Variants in CMIP observed in about 807,000 individuals in gnomAD.
CMIP encodes C-Maf-inducing protein.
In CMIP, 13 loss-of-function variants were observed where a neutral mutation model predicts 97.3. The ratio of observed to expected loss-of-function variants is 0.13; its 90% CI spans 0.09 to 0.21. CMIP has a LOEUF of 0.21. Among genes scored for constraint, CMIP ranks in the 10% least tolerant of loss-of-function variants. CMIP has a pLI of 1.00. For synonymous variants in CMIP, 538 were observed against 436.3 expected (o/e 1.23, Z -2.91); for missense variants, 847 against 1,024.9 (o/e 0.83, Z 2.37).
intron 1 of CMIP, among the ~76,000 whole-genome samples, chr16:81,509,306 G>A (rs979627548): frequency 1.2e-4 from 19 of 152,190 alleles, no homozygotes; most frequent in African/African-American, 4.3e-4. Flanking sequence ...AGAGCCCACC[G>A]GAATGATGCT....
intron 1 of CMIP, among the ~76,000 whole-genome samples, chr16:81,534,315 C>G (rs761143903): frequency 1.3e-5 from 2 of 152,144 alleles, no homozygotes; most frequent in Admixed American, 6.5e-5. Context: ...GGTTTGTTGA[C>G]TGTTTGCATT....
intron 1 of CMIP, among the ~76,000 whole-genome samples, chr16:81,566,436 C>A (rs559171305): frequency 3.9e-5 from 6 of 152,208 alleles, no homozygotes; most frequent in African/African-American, 9.6e-5. Context: ...ATGGTGCCCA[C>A]CCATGCTACA....
intron 1 of CMIP, among the ~76,000 whole-genome samples, chr16:81,505,900 C>T (rs2089700462): frequency 1.3e-5 from 2 of 152,244 alleles, no homozygotes; most frequent in African/African-American, 2.4e-5. Flanking sequence ...GAGGCTGAGG[C>T]AGGAGAATCA....
At chr16:81,598,252 C>T (rs2091596820) in intron 1 of CMIP, among the ~76,000 whole-genome samples, 1 of 151,902 alleles carries the variant, frequency 6.6e-6, no homozygotes, top group Non-Finnish European at 1.5e-5. Context: ...GTATCGTCTA[C>T]AACAGAGCTG....
rs1356120078 is a variant in CMIP, at chr16:81,678,403, C to T, written c.1163C>T (p.Ser388Phe). The T allele has an allele frequency of 6.2e-7, 1 of 1,605,176 alleles. No homozygotes were observed. Among genetic ancestry groups the T allele is most frequent in the East Asian group, 2.3e-5 (1 of 44,216 alleles). Residue 388 changes from serine to phenylalanine, a missense_variant, in exon 10 of 21, where the codon TCT becomes TTT. Around this residue, in one of 4 missense-constraint regions of CMIP, gnomAD observed 202 missense variants for 168.7 expected, o/e 1.20. Transcript: ENST00000537098. ...CTGGTGTCTCAGGAAGCCACGCTGT[C>T]TGAGGCCCGGCTCAAGTCGGTGGTC... ...PDLVSQEATLSEARLKSVVVA... is the reference protein window; with the variant it reads ...PDLVSQEATLFEARLKSVVVA...
At chr16:81,536,039 C>G (rs1375314155) in intron 1 of CMIP, among the ~76,000 whole-genome samples, 1 of 152,182 alleles carries the variant, frequency 6.6e-6, no homozygotes, top group Non-Finnish European at 1.5e-5. Flanking sequence ...TGATGTGATC[C>G]CTGTTTGCAG....
intron 1 of CMIP, among the ~76,000 whole-genome samples, chr16:81,544,977 T>C (rs1328909134): frequency 6.6e-6 from 1 of 152,172 alleles, no homozygotes. Flanking sequence ...AGACTCAATC[T>C]TTTCATTTTC....
intron 1 of CMIP, among the ~76,000 whole-genome samples, chr16:81,603,159 A>G (rs754765938): frequency 4.6e-5 from 7 of 152,132 alleles, no homozygotes; most frequent in Non-Finnish European, 7.3e-5. Context: ...GGCTCACTGC[A>G]AGCTTCACCT....
intron 3 of CMIP, among the ~76,000 whole-genome samples, chr16:81,646,485 G>T (rs996017442): frequency 6.6e-6 from 1 of 152,150 alleles, no homozygotes; most frequent in Admixed American, 6.5e-5. Context: ...TAGCATTATT[G>T]AAATGGAATC....
At chr16:81,689,478 A>G (rs1294187440) in intron 10 of CMIP, among the ~76,000 whole-genome samples, 1 of 152,188 alleles carries the variant, frequency 6.6e-6, no homozygotes, top group East Asian at 1.9e-4. Context: ...GTCTGTTCAT[A>G]TCCTTCGCCC....
chr16:81,469,073 T>G (rs1401346645), intron 1 of CMIP, among the ~76,000 whole-genome samples: 2 of 152,224 alleles, frequency 1.3e-5, no homozygotes, highest in Non-Finnish European at 2.9e-5. Flanking sequence ...CCCAAGAACC[T>G]GGCAATGGCT....
chr16:81,549,669 C>T (rs907819542), intron 1 of CMIP, among the ~76,000 whole-genome samples: 3 of 152,166 alleles, frequency 2.0e-5, no homozygotes, highest in Admixed American at 1.3e-4. Flanking sequence ...GATGAAATCG[C>T]CCCTAAAGGA....
intron 1 of CMIP, among the ~76,000 whole-genome samples, chr16:81,560,969 T>G (rs2317415): frequency 0.4 from 60,545 of 152,186 alleles, 15,046 homozygotes; most frequent in Non-Finnish European, 0.54. Flanking sequence ...ATGACTTTTT[T>G]TTCTTTTTGG....
In CMIP at chr16:81,546,242, C is replaced by T. The variant is rs527354347; in HGVS notation, c.301-61325C>T. The stretch of plus-strand genomic sequence containing the variant: ...TCCTTCTCTCTGAGTCAAGAGAAGA[C>T]AGACTTGCCCTACTTCTCCCATGGT... On this transcript the variant is annotated intron_variant, in intron 1 of 20. Coordinates refer to ENST00000537098, the MANE Select transcript of CMIP (RefSeq NM_198390.3). 3.3e-3 allele frequency among the ~76,000 whole-genome samples: 495 copies of T among 152,284 alleles called. 2 individuals carry two copies. The highest frequency in any genetic ancestry group is 5.2e-3 in the Non-Finnish European group (354 of 68,018).
intron 1 of CMIP, among the ~76,000 whole-genome samples, chr16:81,558,066 T>C (rs2090802710): frequency 6.6e-6 from 1 of 152,246 alleles, no homozygotes. Context: ...GTGGTTGGCT[T>C]ATTTCACTAG....
chr16:81,511,832 G>C (rs2089816512), intron 1 of CMIP, among the ~76,000 whole-genome samples: 1 of 152,154 alleles, frequency 6.6e-6, no homozygotes, highest in African/African-American at 2.4e-5. Context: ...AAAGTGCTAG[G>C]ATTACACGTG....
Position 81,445,138 on chromosome 16 carries a change from CG to C in CMIP, c.-98del, listed in dbSNP as rs1055498147. 4.6e-5 allele frequency: 27 copies of C among 587,160 alleles called. No individual in the cohort carries two copies. The highest frequency in any genetic ancestry group is 3.8e-4 in the African/African-American group (19 of 49,868). 36.4% of individuals were successfully genotyped at this position (587,160 alleles called of 1,614,324 possible). A position where few individuals can be genotyped will look rare whatever the true frequency, so the allele number is the denominator to read the frequency against. On this transcript the variant is annotated 5_prime_UTR_variant, in exon 1 of 21. Coordinates refer to ENST00000537098, the MANE Select transcript of CMIP (RefSeq NM_198390.3). ...CCAGCCCCACACCCCCCCACCTTCC[CG>C]GGGGGTGGGGGGGTGCGGGCCGCCG...
At chr16:81,641,825 G>A (rs2092310062) in intron 3 of CMIP, among the ~76,000 whole-genome samples, 1 of 152,222 alleles carries the variant, frequency 6.6e-6, no homozygotes, top group South Asian at 2.1e-4. Flanking sequence ...CCGATTTGAA[G>A]GCAGCAGAAT....
intron 1 of CMIP, among the ~76,000 whole-genome samples, chr16:81,493,582 C>T (rs575688821): frequency 8.5e-5 from 13 of 152,346 alleles, no homozygotes; most frequent in African/African-American, 2.2e-4. Context: ...GCAAGCCACC[C>T]GGGCCCAGCC....
Sources: gnomAD v4.1 joint callset for allele counts (sites outside exome capture counted in the v4.1 genomes callset) on GRCh38, gnomAD v4.1.1 for gene constraint, gnomAD v4.1.1 regional missense constraint, MANE v1.5 for transcripts, NCBI Gene and HGNC (gene_info 2026-07-23, HGNC 2026-07-21) for gene names.